The following RBFOX3 variants were observed in gnomAD, a reference collection of about 807,000 sequenced individuals.
The protein encoded by RBFOX3 is RNA binding fox-1 homolog 3, also known as RNA binding protein fox-1 homolog 3.
In RBFOX3, 17 loss-of-function variants were observed where a neutral mutation model predicts 48.7. That is an observed-to-expected ratio of 0.35 (90% CI 0.24 to 0.52). The LOEUF is 0.52. Among genes scored for constraint, RBFOX3 ranks in the 20% least tolerant of loss-of-function variants. The pLI, the probability that RBFOX3 is intolerant of heterozygous loss-of-function variation, is 0.94. For missense variants in RBFOX3, 382 were observed against 497.5 expected (o/e 0.77, Z 2.21); for synonymous variants, 212 against 209.5 (o/e 1.01, Z -0.10).
rs112723836 is a variant in RBFOX3 at position 79,236,101 on chromosome 17, T to C, written c.-73-296A>G. Among the ~76,000 whole-genome samples the C allele has an allele frequency of 9.5e-3, 1,450 of 152,250 alleles. 27 individuals carry two copies. The highest frequency in any genetic ancestry group is 0.033 in the African/African-American group (1,390 of 41,514). On this transcript the variant is annotated intron_variant, in intron 3 of 14. Transcript: ENST00000693108. Reference sequence around the variant, plus strand: ...TCTCTGCGACTCTGGATGTTCCTTTTTTTCCCCCACCTCAAACTCCAAGCA... The same window carrying C: ...TCTCTGCGACTCTGGATGTTCCTTTCTTTCCCCCACCTCAAACTCCAAGCA...
intron 1 of RBFOX3, among the ~76,000 whole-genome samples, chr17:79,517,458 A>AAC (rs1555783672): frequency 2.6e-5 from 4 of 151,538 alleles, no homozygotes; most frequent in South Asian, 4.2e-4. Context: ...AAAAAAAAAA[A>AAC]AAACAAACAA....
rs901678516 is a variant in RBFOX3, at chr17:79,272,629, C to T, written c.-74+35095G>A. Among the ~76,000 whole-genome samples, 10 of 152,310 alleles carry T rather than the reference C, an allele frequency of 6.6e-5. No homozygotes were observed. In the East Asian group the frequency reaches 7.7e-4, roughly 12 times the overall value. ...GGTCTCTCCTGTCCTCCTATCAGAT[C>T]GCTCCAACTGCCCCCTTTGGGGACT... On this transcript the variant is annotated intron_variant, in intron 3 of 14. Transcript: ENST00000693108.
chr17:79,252,004 G>T lies in RBFOX3; in HGVS notation c.-73-16199C>A, dbSNP rs1401934341. Among the ~76,000 whole-genome samples the T allele has an allele frequency of 6.6e-6, 1 of 152,142 alleles. No individual in the cohort carries two copies. Among genetic ancestry groups the T allele is most frequent in the Non-Finnish European group, 1.5e-5 (1 of 68,020 alleles). On this transcript the variant is annotated intron_variant, in intron 3 of 14. Transcript: ENST00000693108. This position sits in a 1 kb window ranked among gnomAD's most constrained non-coding sequence, Gnocchi z 4.0. ...CTCTTACTCACCTGGAGACCAGGTG[G>T]CCTGAGCCAGCCTTGTCTTTCTCCA... is the stretch of plus-strand genomic sequence containing the variant.
rs555851876 is a variant in RBFOX3, at chr17:79,214,398, A to G, written c.-34+21368T>C. Among the ~76,000 whole-genome samples, 50 of 152,314 alleles carry G rather than the reference A, an allele frequency of 3.3e-4. No homozygotes were observed. Among genetic ancestry groups the G allele is most frequent in the African/African-American group, 1.2e-3 (50 of 41,578 alleles). On this transcript the variant is annotated intron_variant, in intron 4 of 14. Coordinates refer to ENST00000693108, the MANE Select transcript of RBFOX3 (RefSeq NM_001350451.2). The surrounding 1 kb of genome is among the most constrained non-coding windows in gnomAD (Gnocchi z 4.7). ...GACAAGCCCTCCCGCCCGCAGGTCC[A>G]GCAACCAGGGAGGGTGGGGGCTCTC... is the stretch of plus-strand genomic sequence containing the variant.
In RBFOX3 at chr17:79,482,994, T is replaced by C. The variant is rs2078986718; in HGVS notation, c.-319-396A>G. Among the ~76,000 whole-genome samples the C allele has an allele frequency of 6.6e-6, 1 of 151,842 alleles. No individual in the cohort carries two copies. The highest frequency in any genetic ancestry group is 2.4e-5 in the African/African-American group (1 of 41,296). ...TGCTTCCTCCCCCACCCAGCCTAGA[T>C]TCCAGGACCCACCACTGTCCGCACT... On this transcript the variant is annotated intron_variant, in intron 1 of 14. Coordinates refer to ENST00000693108, the MANE Select transcript of RBFOX3 (RefSeq NM_001350451.2). The surrounding 1 kb of genome is among the most constrained non-coding windows in gnomAD (Gnocchi z 4.1).
chr17:79,311,779 G>T lies in RBFOX3; in HGVS notation c.-174-3955C>A, dbSNP rs1357350481. Among the ~76,000 whole-genome samples, 1 of 152,174 alleles carries T rather than the reference G, an allele frequency of 6.6e-6. No homozygotes were observed. The highest frequency in any genetic ancestry group is 1.9e-4 in the East Asian group (1 of 5,190). ...GCAGTTCTGGCTGGTGGAGTGGGAA[G>T]CAGTGCCCCCATGATGGCAGAAACG... is the stretch of plus-strand genomic sequence containing the variant. On this transcript the variant is annotated intron_variant, in intron 2 of 14. Coordinates refer to ENST00000693108, the MANE Select transcript of RBFOX3 (RefSeq NM_001350451.2). The surrounding 1 kb of genome is among the most constrained non-coding windows in gnomAD (Gnocchi z 4.2).
chr17:79,265,991 T>C (rs1355911185), intron 3 of RBFOX3, among the ~76,000 whole-genome samples: 1 of 152,222 alleles, frequency 6.6e-6, no homozygotes, highest in Non-Finnish European at 1.5e-5. Flanking sequence ...TGTAAATCCA[T>C]TCCCGCTGTA....
intron 2 of RBFOX3, among the ~76,000 whole-genome samples, chr17:79,356,762 T>A (rs2085218524): frequency 6.6e-6 from 1 of 152,090 alleles, no homozygotes; most frequent in Non-Finnish European, 1.5e-5. Flanking sequence ...TCCTAAAATA[T>A]GTCCAGAGAG....
intron 2 of RBFOX3, among the ~76,000 whole-genome samples, chr17:79,457,932 G>A (rs2074791896): frequency 6.6e-6 from 1 of 152,228 alleles, no homozygotes; most frequent in Non-Finnish European, 1.5e-5. Context: ...AAAACACGGT[G>A]GGTGGGGAGC....
rs114213825 is a variant in RBFOX3 at position 79,272,534 on chromosome 17, G to A, written c.-74+35190C>T. ...GGGGAGCCACATGGCCCCTGCCCACGCGGGGCCACGCAGGTCCCACCTGGC... is the reference window on the plus strand; with the variant it reads ...GGGGAGCCACATGGCCCCTGCCCACACGGGGCCACGCAGGTCCCACCTGGC... On this transcript the variant is annotated intron_variant, in intron 3 of 14. Coordinates refer to ENST00000693108, the MANE Select transcript of RBFOX3 (RefSeq NM_001350451.2). Among the ~76,000 whole-genome samples the A allele has an allele frequency of 5.6e-3, 859 of 152,294 alleles. 10 individuals are homozygous for A. Among genetic ancestry groups the A allele is most frequent in the African/African-American group, 0.02 (817 of 41,554 alleles).
At chr17:79,115,170 T>A (rs1382678219) in intron 5 of RBFOX3, among the ~76,000 whole-genome samples, 5 of 152,130 alleles carry the variant, frequency 3.3e-5, no homozygotes, top group Non-Finnish European at 5.9e-5. Flanking sequence ...GGGGTGAGTG[T>A]TTGCTCGAAG....
At chr17:79,190,647 C>G (rs1013341950) in intron 4 of RBFOX3, among the ~76,000 whole-genome samples, 1 of 152,142 alleles carries the variant, frequency 6.6e-6, no homozygotes, top group African/African-American at 2.4e-5. Context: ...TTTTATCACC[C>G]TGAGTGCCAA....
intron 2 of RBFOX3, among the ~76,000 whole-genome samples, chr17:79,453,815 G>C (rs1279017082): frequency 6.6e-6 from 1 of 152,156 alleles, no homozygotes. Context: ...CCCATGCAAA[G>C]CTGCAGCCTG....
intron 2 of RBFOX3, among the ~76,000 whole-genome samples, chr17:79,432,830 C>G (rs1555729106): frequency 6.6e-6 from 1 of 152,184 alleles, no homozygotes; most frequent in Non-Finnish European, 1.5e-5. Context: ...CTTAGTAAAA[C>G]AAGTGGGTCT....
At chr17:79,188,388 G>A (rs1427998702) in intron 4 of RBFOX3, among the ~76,000 whole-genome samples, 2 of 152,238 alleles carry the variant, frequency 1.3e-5, no homozygotes, top group African/African-American at 4.8e-5. Context: ...GTAAAAATCG[G>A]CGTGCAAAGG....
intron 1 of RBFOX3, among the ~76,000 whole-genome samples, chr17:79,487,643 T>C (rs296141): frequency 0.93 from 140,825 of 152,156 alleles, 65,672 homozygotes; most frequent in Non-Finnish European, 0.98. Context: ...AGCTGGGTAA[T>C]GTTTCTGATG....
intron 1 of RBFOX3, among the ~76,000 whole-genome samples, chr17:79,602,548 ACC>A (rs1248270498): frequency 5.3e-5 from 8 of 151,882 alleles, no homozygotes; most frequent in Admixed American, 6.6e-5. Context: ...TGTGGAAGCA[ACC>A]CCTCGGGTCT....
intron 11 of RBFOX3, 103 bp downstream of exon 11, chr17:79,097,189 T>G: frequency 1.7e-5 from 14 of 822,124 alleles, no homozygotes; most frequent in Non-Finnish European, 2.3e-5. Flanking sequence ...CCCCCAGGTC[T>G]GGAAAGGCTG....
chr17:79,147,795 G>A (rs1290952704), intron 4 of RBFOX3, among the ~76,000 whole-genome samples: 1 of 152,240 alleles, frequency 6.6e-6, no homozygotes, highest in Non-Finnish European at 1.5e-5. Flanking sequence ...GGTGGGCGAC[G>A]AGGCAGTAGC....
Sources: gnomAD v4.1 joint callset for allele counts (sites outside exome capture counted in the v4.1 genomes callset) on GRCh38, gnomAD v4.1.1 for gene constraint, Gnocchi (gnomAD v3.1) non-coding constraint, MANE v1.5 for transcripts, NCBI Gene and HGNC (gene_info 2026-07-23, HGNC 2026-07-21) for gene names.